CLIC4: variants seen among roughly 807,000 people sequenced by gnomAD.
CLIC4 encodes chloride intracellular channel protein 4.
A neutral mutation model predicts 24.6 loss-of-function variants in CLIC4; 13 were observed. That is an observed-to-expected ratio of 0.53 (90% confidence interval 0.34 to 0.84). CLIC4 has a LOEUF of 0.84. CLIC4 is among the 40% of genes least tolerant of loss of function. CLIC4 has a pLI of 0.01. For synonymous variants in CLIC4, 104 were observed against 111.3 expected, an observed-to-expected ratio of 0.93 and a Z score of 0.41; for missense variants, 227 against 301.7, an observed-to-expected ratio of 0.75 and a Z score of 1.83.
At chr1:24,799,331 C>T (rs1639446093) in intron 2 of CLIC4, among the ~76,000 whole-genome samples, 1 of 151,768 alleles carries the variant, frequency 6.6e-6, no homozygotes, top group Non-Finnish European at 1.5e-5. Context: ...GCGCCTCTGC[C>T]CGGCCGCAAC....
chr1:24,779,550 T>C (rs1293714518), intron 1 of CLIC4, among the ~76,000 whole-genome samples: 5 of 152,212 alleles, frequency 3.3e-5, no homozygotes, highest in Admixed American at 3.3e-4. Context: ...TTTTGGTTTA[T>C]AGCCCTCCAT....
chr1:24,816,282 C>T (rs1180037737), intron 3 of CLIC4, among the ~76,000 whole-genome samples: 1 of 147,766 alleles, frequency 6.8e-6, no homozygotes, highest in Non-Finnish European at 1.5e-5. Context: ...TCTTATCGCC[C>T]AGGCTGGAGT....
At chr1:24,746,045 G>C (rs996962548) in intron 1 of CLIC4, among the ~76,000 whole-genome samples, 1 of 151,648 alleles carries the variant, frequency 6.6e-6, no homozygotes, top group Non-Finnish European at 1.5e-5. Flanking sequence ...CCCGGAGCCC[G>C]AACTGCGGCC....
chr1:24,796,698 A>G (rs1191713886), intron 1 of CLIC4, among the ~76,000 whole-genome samples: 1 of 152,134 alleles, frequency 6.6e-6, no homozygotes, highest in Non-Finnish European at 1.5e-5. Flanking sequence ...GATGCTTGTA[A>G]AATGCTAGAA....
chr1:24,795,710 T>C (rs1300131333), intron 1 of CLIC4, among the ~76,000 whole-genome samples: 1 of 152,046 alleles, frequency 6.6e-6, no homozygotes, highest in Non-Finnish European at 1.5e-5. Flanking sequence ...AGCTGGGATA[T>C]AGGCATGCGC....
At chr1:24,762,387 G>T (rs1638938918) in intron 1 of CLIC4, among the ~76,000 whole-genome samples, 1 of 152,208 alleles carries the variant, frequency 6.6e-6, no homozygotes, top group African/African-American at 2.4e-5. Context: ...TCATGCCACT[G>T]CACTGCCTGA....
At chr1:24,830,784 G>A (rs1040747673) in intron 4 of CLIC4, among the ~76,000 whole-genome samples, 1 of 152,098 alleles carries the variant, frequency 6.6e-6, no homozygotes, top group Non-Finnish European at 1.5e-5. Flanking sequence ...GCTTCTTAGG[G>A]ATACCAGCAT....
Position 24,807,179 on chromosome 1 carries a change from T to G in CLIC4, c.183-6915T>G, listed in dbSNP as rs989436628. ...AAATTTAAAAAATTAAGAATCTTTC[T>G]GTTTAGAGAGCTTAAAAACTTTCAT... On this transcript the variant is annotated intron_variant, in intron 2 of 5. Coordinates refer to ENST00000374379, the MANE Select transcript of CLIC4 (RefSeq NM_013943.3). 5.3e-5 allele frequency among the ~76,000 whole-genome samples: 8 copies of G among 151,854 alleles called. No homozygotes were observed. In the South Asian group the frequency reaches 1.7e-3, roughly 31 times the overall value.
chr1:24,800,927 G>C (rs1024338290), intron 2 of CLIC4, among the ~76,000 whole-genome samples: 1 of 150,262 alleles, frequency 6.7e-6, no homozygotes, highest in African/African-American at 2.4e-5. Flanking sequence ...CAAACACTGC[G>C]GAAGGCCGCA....
At chr1:24,839,339 G>T (rs573424253) in intron 4 of CLIC4, among the ~76,000 whole-genome samples, 1 of 152,060 alleles carries the variant, frequency 6.6e-6, no homozygotes, top group Non-Finnish European at 1.5e-5. Context: ...TCGCTCTTTC[G>T]CCCAGGCTGG....
chr1:24,813,034 C>T (rs1406400379), intron 2 of CLIC4, among the ~76,000 whole-genome samples: 1 of 127,608 alleles, frequency 7.8e-6, no homozygotes, highest in Non-Finnish European at 1.6e-5. Context: ...ACCTTTCTTT[C>T]TTTCTTTCTT....
intron 1 of CLIC4, among the ~76,000 whole-genome samples, chr1:24,758,656 C>T (rs1392239773): frequency 2.6e-5 from 4 of 152,004 alleles, no homozygotes; most frequent in Non-Finnish European, 4.4e-5. Context: ...AGGGTTTCGC[C>T]GTTGTTCGCC....
intron 1 of CLIC4, among the ~76,000 whole-genome samples, chr1:24,757,976 C>T (rs1638872247): frequency 6.6e-6 from 1 of 151,952 alleles, no homozygotes; most frequent in Non-Finnish European, 1.5e-5. Flanking sequence ...CCAGGCTGGT[C>T]TCAAACTCCA....
intron 3 of CLIC4, among the ~76,000 whole-genome samples, chr1:24,818,240 A>G (rs779541551): frequency 6.6e-6 from 1 of 152,148 alleles, no homozygotes; most frequent in Non-Finnish European, 1.5e-5. Flanking sequence ...AAAGCAAAGC[A>G]CAATAAGACA....
chr1:24,822,743 C>T lies in CLIC4; in HGVS notation c.309-4267C>T, dbSNP rs539090551. The stretch of plus-strand genomic sequence containing the variant: ...AACAGCATGTTTGAAGTGGGAATGT[C>T]GCCTTCTTAGTGGGCTCTATGGACC... On this transcript the variant is annotated intron_variant, in intron 3 of 5. Transcript: ENST00000374379. Among the ~76,000 whole-genome samples the T allele has an allele frequency of 2.6e-5, 4 of 152,194 alleles. 1 individual carries two copies. The South Asian group carries it at 6.2e-4, about 24-fold the overall frequency.
chr1:24,772,739 C>T (rs1186762694), intron 1 of CLIC4, among the ~76,000 whole-genome samples: 1 of 152,188 alleles, frequency 6.6e-6, no homozygotes, highest in Non-Finnish European at 1.5e-5. Context: ...CCACCTTGGC[C>T]TCCCAAAGTG....
At position 24,840,623 on chromosome 1, in the gene CLIC4, C is replaced by G. The variant is rs149903014; in HGVS notation, c.598-150C>G. 5.4e-4 allele frequency: 333 copies of G among 611,708 alleles called. 3 individuals carry two copies. In the East Asian group the frequency reaches 7.8e-3, roughly 14 times the overall value. 37.9% of individuals were successfully genotyped at this position (611,708 alleles called of 1,614,324 possible). On this transcript the variant is annotated intron_variant, in intron 5 of 5. Transcript: ENST00000374379. ...GCAGTCTTGGTCATTATTTAAAACT[C>G]TGGTTAGAATGATGGTGATGGACTT... is the stretch of plus-strand genomic sequence containing the variant.
intron 3 of CLIC4, among the ~76,000 whole-genome samples, chr1:24,826,368 A>G (rs905854561): frequency 3.9e-5 from 6 of 152,252 alleles, no homozygotes; most frequent in African/African-American, 1.4e-4. Context: ...TTAACCTGCT[A>G]TGGGTGATCA....
intron 4 of CLIC4, among the ~76,000 whole-genome samples, chr1:24,837,937 CG>C (rs1162801555): frequency 2.0e-5 from 3 of 152,134 alleles, no homozygotes; most frequent in Non-Finnish European, 4.4e-5. Flanking sequence ...TCCATGGTTT[CG>C]GTGTTCATTT....
Sources: gnomAD v4.1 joint callset for allele counts (sites outside exome capture counted in the v4.1 genomes callset) on GRCh38, gnomAD v4.1.1 for gene constraint, MANE v1.5 for transcripts, NCBI Gene and HGNC (gene_info 2026-07-23, HGNC 2026-07-21) for gene names.